ACTR10: variants seen among roughly 807,000 people sequenced by gnomAD.
ACTR10 encodes actin-related protein 10.
A neutral mutation model predicts 56.2 loss-of-function variants in ACTR10; 43 were observed. That is an observed-to-expected ratio of 0.77 (90% CI 0.60 to 0.99). The LOEUF (loss-of-function observed/expected upper bound fraction) is 0.99. Ranked by LOEUF, ACTR10 falls within the 50% of genes least tolerant of loss-of-function variation. The probability of loss-of-function intolerance (pLI) is 0.00; values close to 1 mark genes in which losing one functional copy is unlikely to be tolerated. For missense variants in ACTR10, 466 were observed against 507.8 expected (o/e 0.92, Z 0.79); for synonymous variants, 170 against 176.3 (o/e 0.96, Z 0.28).
rs770769531 is a variant in ACTR10 at position 58,232,262 on chromosome 14, T to C, written c.1067T>C (p.Leu356Ser). ...GCAAAAGCTAATTGTGTGGCCTGGT[T>C]GGGAGGTAAGAATTTCACTTTTAAA... The part of the protein sequence containing the change: ...PPAKANCVAW[L>S]GGAIFGALQD... Residue 356 changes from leucine (L) to serine (S), a missense_variant, in exon 12 of 13, where the codon TTG (leucine) becomes TCG (serine). Transcript: ENST00000254286. The C allele has an allele frequency of 2.5e-6, 4 of 1,611,586 alleles. No individual in the cohort carries two copies. The highest frequency in any genetic ancestry group is 3.4e-6 in the Non-Finnish European group (4 of 1,179,008).
chr14:58,224,011 T>A (rs537167240), intron 10 of ACTR10, among the ~76,000 whole-genome samples, 155 bp downstream of exon 10: 1 of 152,300 alleles, frequency 6.6e-6, no homozygotes, highest in South Asian at 2.1e-4. Context: ...ATTCAGCTTT[T>A]TTTTTTTGAG....
chr14:58,230,538 T>A, intron 11 of ACTR10, 58 bp downstream of exon 11: 1 of 896,816 alleles, frequency 1.1e-6, no homozygotes, highest in South Asian at 2.6e-5. Context: ...ATATAAATTT[T>A]AAATGTTATT....
At chr14:58,223,205 C>T (rs1171577650) in intron 8 of ACTR10, among the ~76,000 whole-genome samples, 3 of 152,066 alleles carry the variant, frequency 2.0e-5, no homozygotes, top group South Asian at 4.1e-4. Context: ...GGCGCGATCT[C>T]GGCTCACTGC....
intron 10 of ACTR10, among the ~76,000 whole-genome samples, chr14:58,227,166 C>CT (rs10542034): frequency 4.6e-4 from 67 of 146,640 alleles, no homozygotes; most frequent in East Asian, 1.8e-3. Flanking sequence ...TGATTTCCAG[C>CT]TTTTTTTTTT....
Position 58,200,221 on chromosome 14 carries a change from C to A in ACTR10, c.4C>A (p.Pro2Thr), listed in dbSNP as rs1375649166. The A allele has an allele frequency of 2.6e-6, 4 of 1,533,690 alleles. No homozygotes were observed. The highest frequency in any genetic ancestry group is 3.5e-6 in the Non-Finnish European group (4 of 1,141,250). Residue 2 changes from proline (P) to threonine (T), a missense_variant, in exon 1 of 13, where the codon CCG becomes ACG. Transcript: ENST00000254286. M[P>T]LYEGLGSGGE... Reference sequence around the variant, plus strand: ...TCTCTCAGTCTGCCTTACTACCATGCCGCTCTACGAGGGCCTGGGGAGCGG... The same window carrying A: ...TCTCTCAGTCTGCCTTACTACCATGACGCTCTACGAGGGCCTGGGGAGCGG...
intron 4 of ACTR10, chr14:58,209,355 T>C (rs1350282482): frequency 8.6e-6 from 2 of 232,444 alleles, no homozygotes; most frequent in Non-Finnish European, 1.7e-5. Flanking sequence ...TATTTCATGC[T>C]TTAGCATTTC....
At chr14:58,202,677 A>G (rs1338779860) in intron 1 of ACTR10, among the ~76,000 whole-genome samples, 178 bp from the exon 2 acceptor site, 2 of 152,128 alleles carry the variant, frequency 1.3e-5, no homozygotes, top group Non-Finnish European at 2.9e-5. Context: ...ATACACAAGC[A>G]TTAATAAATA....
chr14:58,234,650 A>G lies in ACTR10; in HGVS notation c.*99A>G. 3.5e-6 allele frequency: 4 copies of G among 1,136,804 alleles called. No homozygotes were observed. The highest frequency in any genetic ancestry group is 3.7e-6 in the Non-Finnish European group (3 of 821,756). The allele number at this position is 1,136,804 out of a possible 1,614,324, so 70.4% of individuals were successfully genotyped here. A position where few individuals can be genotyped will look rare whatever the true frequency, so the allele number is the denominator to read the frequency against. ...AGGATGTTTTGTTATAGAGGACTAT[A>G]GTGGAAGTGAAAGCATTCTGTGTTT... is the stretch of plus-strand genomic sequence containing the variant. On this transcript the variant is annotated 3_prime_UTR_variant, in exon 13 of 13. Transcript: ENST00000254286.
intron 12 of ACTR10, among the ~76,000 whole-genome samples, chr14:58,233,323 A>G (rs940631435): frequency 6.6e-6 from 1 of 152,192 alleles, no homozygotes; most frequent in Non-Finnish European, 1.5e-5. Context: ...AATTAACCTA[A>G]TAAGTACAGT....
rs1282940352 is a variant in ACTR10 at position 58,223,847 on chromosome 14, G to T, written c.779G>T (p.Gly260Val). 1 of 1,611,388 alleles carries T rather than the reference G, an allele frequency of 6.2e-7. No homozygotes were observed. Among genetic ancestry groups the T allele is most frequent in the Non-Finnish European group, 8.5e-7 (1 of 1,178,358 alleles). ...GGAGAGAAGATTTTACATATCCTTG[G>T]ATCAATCAGGTTAGATCTTAAATTT... ...LDGEKILHILGSIRDSVVEIL... is the reference protein window; with the variant it reads ...LDGEKILHILVSIRDSVVEIL... The change falls in exon 10 of 13, where the codon GGA (glycine) becomes GTA (valine). Residue 260 changes from glycine (G) to valine (V), a missense_variant. Coordinates refer to ENST00000254286, the MANE Select transcript of ACTR10 (RefSeq NM_018477.3).
Position 58,234,456 on chromosome 14 carries a change from T to G in ACTR10, c.1159T>G (p.Trp387Gly). ...TAATCAGACGGGCCGTATACCTGAT[T>G]GGTGTTCTCTCAATAACCCACCTTT... ...YYNQTGRIPD[W>G]CSLNNPPLEM... The change falls in exon 13 of 13, where the codon TGG (tryptophan) becomes GGG (glycine). Residue 387 changes from tryptophan to glycine, a missense_variant. Coordinates refer to ENST00000254286, the MANE Select transcript of ACTR10 (RefSeq NM_018477.3). 6.2e-7 allele frequency: 1 copy of G among 1,613,764 alleles called. No homozygotes were observed. Among genetic ancestry groups the G allele is most frequent in the Non-Finnish European group, 8.5e-7 (1 of 1,179,814 alleles).
chr14:58,216,613 T>G (rs1400047718), intron 7 of ACTR10, among the ~76,000 whole-genome samples: 2 of 152,218 alleles, frequency 1.3e-5, no homozygotes, highest in East Asian at 1.9e-4. Flanking sequence ...TACAGTAAAT[T>G]TCTTACAGTT....
chr14:58,213,790 G>A, intron 6 of ACTR10, 92 bp downstream of exon 6: 7 of 904,908 alleles, frequency 7.7e-6, no homozygotes. Context: ...TAGAGGGCTT[G>A]TGATACGGAC....
intron 11 of ACTR10, among the ~76,000 whole-genome samples, 187 bp from the exon 12 acceptor site, chr14:58,231,879 G>A (rs1285257681): frequency 1.3e-5 from 2 of 152,060 alleles, no homozygotes; most frequent in South Asian, 4.1e-4. Flanking sequence ...GTTTATGGTG[G>A]TTATATTTGC....
In ACTR10 at chr14:58,231,495, A is replaced by G. The variant is rs549212337; in HGVS notation, c.871-571A>G. On this transcript the variant is annotated intron_variant, in intron 11 of 12. Coordinates refer to ENST00000254286, the MANE Select transcript of ACTR10 (RefSeq NM_018477.3). The stretch of plus-strand genomic sequence containing the variant: ...AATATGTCTCTTTCGTTTAATGACT[A>G]TGTAATTATAGGACTTCGCATGAAA... Among the ~76,000 whole-genome samples, 8 of 152,316 alleles carry G rather than the reference A, an allele frequency of 5.3e-5. No homozygotes were observed. The East Asian group carries it at 5.8e-4, about 11-fold the overall frequency.
In ACTR10 at chr14:58,230,424, G is replaced by T; in HGVS notation, c.814G>T (p.Glu272Ter). The T allele has an allele frequency of 6.3e-7, 1 of 1,586,192 alleles. No individual in the cohort carries two copies. The highest frequency in any genetic ancestry group is 1.2e-5 in the South Asian group (1 of 85,594). The stretch of plus-strand genomic sequence containing the variant: ...AGATTCAGTTGTGGAAATTCTTTTT[G>T]AACAAGATAATGAAGAGCAATCAGT... ...IRDSVVEILF[E>*]QDNEEQSVAT... Residue 272 changes from glutamate to a stop codon, truncating the protein, a stop_gained, in exon 11 of 13, where the codon GAA becomes TAA. Transcript: ENST00000254286. LOFTEE classifies it high-confidence loss of function.
intron 7 of ACTR10, 172 bp from the exon 8 acceptor site, chr14:58,219,522 A>T (rs1028355681): frequency 2.9e-5 from 13 of 444,994 alleles, no homozygotes; most frequent in African/African-American, 6.2e-5. Context: ...TTGAATGATG[A>T]TATTTCTTCC....
intron 6 of ACTR10, among the ~76,000 whole-genome samples, chr14:58,214,536 G>C (rs1488042827): frequency 6.6e-6 from 1 of 151,564 alleles, no homozygotes; most frequent in Non-Finnish European, 1.5e-5. Context: ...TGTCACCCAG[G>C]CTGGAGTGCA....
chr14:58,215,428 A>T (rs1315335938), intron 7 of ACTR10, 144 bp downstream of exon 7: 1 of 496,280 alleles, frequency 2.0e-6, no homozygotes, highest in African/African-American at 2.0e-5. Context: ...TAAGCTCACC[A>T]TTGAACTTTT....
Sources: gnomAD v4.1 joint callset for allele counts (sites outside exome capture counted in the v4.1 genomes callset) on GRCh38, gnomAD v4.1.1 for gene constraint, MANE v1.5 for transcripts, NCBI Gene and HGNC (gene_info 2026-07-23, HGNC 2026-07-21) for gene names.